CAVIN1: variants seen among roughly 807,000 people sequenced by gnomAD.
The protein encoded by CAVIN1 is caveolae-associated protein 1.
A neutral mutation model predicts 24.0 loss-of-function variants in CAVIN1; 16 were observed. The observed-to-expected ratio is 0.67, with a 90% CI of 0.45 to 1.01. The LOEUF is 1.01. Ranked by LOEUF, CAVIN1 falls within the 50% of genes least tolerant of loss-of-function variation. The pLI, the probability that CAVIN1 is intolerant of heterozygous loss-of-function variation, is 0.00. For missense variants in CAVIN1, 510 were observed against 551.7 expected (o/e 0.92, Z 0.76); for synonymous variants, 256 against 256.4 (o/e 1.00, Z 0.02).
At position 42,403,339 on chromosome 17, in the gene CAVIN1, C is replaced by T. The variant is rs1222622872; in HGVS notation, c.*1348G>A. On this transcript the variant is annotated 3_prime_UTR_variant, in exon 2 of 2. Coordinates refer to ENST00000357037, the MANE Select transcript of CAVIN1 (RefSeq NM_012232.6). ...TCTCAACTTGGTGGCAGGGCCGGCA[C>T]CCTGCTCTCCCTCCTAACTCCCAGC... 1 of 152,662 alleles carries T rather than the reference C, an allele frequency of 6.6e-6. No individual in the cohort carries two copies. Among genetic ancestry groups the T allele is most frequent in the Admixed American group, 6.6e-5 (1 of 15,246 alleles). 9.5% of individuals were successfully genotyped at this position (152,662 alleles called of 1,614,324 possible).
chr17:42,408,790 CTTT>C (rs67299164), intron 1 of CAVIN1, among the ~76,000 whole-genome samples: 7 of 120,824 alleles, frequency 5.8e-5, no homozygotes, highest in Admixed American at 2.6e-4. Flanking sequence ...CGTGCCCGGC[CTTT>C]TTTTTTTTTT....
At chr17:42,412,036 G>A (rs547902156) in intron 1 of CAVIN1, 10 of 985,296 alleles carry the variant, frequency 1.0e-5, no homozygotes, top group East Asian at 2.3e-4. Context: ...AACGGGATCC[G>A]GGAGACCCTA....
intron 1 of CAVIN1, among the ~76,000 whole-genome samples, chr17:42,410,871 C>T (rs11079044): frequency 0.82 from 101,645 of 124,476 alleles, 42,343 homozygotes; most frequent in East Asian, 0.97. Context: ...TCCAGCCTGG[C>T]GACGGAGTGA....
rs544815983 is a variant in CAVIN1, at chr17:42,422,906, G to T, written c.192C>A (p.Ala64=). 1.2e-6 allele frequency: 2 copies of T among 1,614,036 alleles called. No individual in the cohort carries two copies. ...VLSLLDKIIG[A]VDQIQLTQAQ... ...CTTGAGTCAGCTGGATCTGGTCTACGGCCCCGATGATTTTGTCCAGGAGGC... is the reference window on the plus strand; with the variant it reads ...CTTGAGTCAGCTGGATCTGGTCTACTGCCCCGATGATTTTGTCCAGGAGGC... The change falls in exon 1 of 2, where the codon GCC becomes GCA. Residue 64 remains alanine (A), a synonymous_variant. Coordinates refer to ENST00000357037, the MANE Select transcript of CAVIN1 (RefSeq NM_012232.6).
chr17:42,420,256 T>C (rs2085537331), intron 1 of CAVIN1, among the ~76,000 whole-genome samples: 1 of 152,240 alleles, frequency 6.6e-6, no homozygotes, highest in Non-Finnish European at 1.5e-5. Context: ...TTACCATAAA[T>C]GCTGCTGCCC....
chr17:42,404,783 G>A lies in CAVIN1; in HGVS notation c.1077C>T (p.Gly359=), dbSNP rs370263274. The A allele has an allele frequency of 6.3e-7, 1 of 1,593,830 alleles. No homozygotes were observed. Among genetic ancestry groups the A allele is most frequent in the Non-Finnish European group, 8.5e-7 (1 of 1,170,466 alleles). The change falls in exon 2 of 2, where the codon GGC becomes GGT. Residue 359 remains glycine, a synonymous_variant. Transcript: ENST00000357037. Reference sequence around the variant, plus strand: ...CGGGGCTGCTCCCGCGCCGCAGGTCGCCGGCCTCCCCGCGCTCCGCGCCGC... The same window carrying A: ...CGGGGCTGCTCCCGCGCCGCAGGTCACCGGCCTCCCCGCGCTCCGCGCCGC... The part of the protein sequence containing the change: ...DEGGAERGEA[G]DLRRGSSPDV...
intron 1 of CAVIN1, among the ~76,000 whole-genome samples, chr17:42,409,044 G>A (rs1255244566): frequency 4.7e-5 from 7 of 148,698 alleles, no homozygotes; most frequent in Admixed American, 2.7e-4. Flanking sequence ...CTCCCACCTC[G>A]GCCTCCCAAA....
intron 1 of CAVIN1, among the ~76,000 whole-genome samples, chr17:42,414,614 C>T (rs935956432): frequency 2.0e-5 from 3 of 152,134 alleles, no homozygotes; most frequent in African/African-American, 7.2e-5. Context: ...CCAACTCTCT[C>T]TCCTGAGGGG....
chr17:42,407,988 A>G (rs1271983883), intron 1 of CAVIN1, among the ~76,000 whole-genome samples: 2 of 151,944 alleles, frequency 1.3e-5, no homozygotes, highest in African/African-American at 4.8e-5. Context: ...CTCTTCATCC[A>G]TCTCCACCCA....
At chr17:42,411,207 A>AAAAAAAAAAAAACAAAC (rs758609413) in intron 1 of CAVIN1, among the ~76,000 whole-genome samples, 1 of 127,528 alleles carries the variant, frequency 7.8e-6, no homozygotes, top group Non-Finnish European at 1.7e-5. Flanking sequence ...AAAAAAAAAA[A>AAAAAAAAAAAAACAAAC]AACTAAAAGG....
At chr17:42,412,071 C>T (rs142338327) in intron 1 of CAVIN1, 3 of 985,374 alleles carry the variant, frequency 3.0e-6, no homozygotes, top group East Asian at 2.3e-4. Context: ...CTGTCAGCTC[C>T]TCTGGGGTGG....
Position 42,405,273 on chromosome 17 carries a change from G to T in CAVIN1, c.587C>A (p.Ala196Glu). The change falls in exon 2 of 2, where the codon GCA (alanine) becomes GAA (glutamate). Residue 196 changes from alanine to glutamate, a missense_variant. Ala to Glu is a moderately radical substitution (Grantham distance 107). Coordinates refer to ENST00000357037, the MANE Select transcript of CAVIN1 (RefSeq NM_012232.6). ...LGEGERPEED[A>E]AALELSSDEA... ...GTCCGACGAAAGCTCCAGCGCCGCT[G>T]CGTCCTCCTCGGGCCGCTCGCCCTC... The T allele has an allele frequency of 6.2e-7, 1 of 1,612,892 alleles. No individual in the cohort carries two copies.
At chr17:42,421,589 T>TGCGGAA (rs1488758837) in intron 1 of CAVIN1, among the ~76,000 whole-genome samples, 1 of 152,062 alleles carries the variant, frequency 6.6e-6, no homozygotes, top group East Asian at 1.9e-4. Context: ...CCGATGGCAC[T>TGCGGAA]GCGGAAGCGG....
chr17:42,420,352 G>A (rs529189355), intron 1 of CAVIN1, among the ~76,000 whole-genome samples: 1 of 152,336 alleles, frequency 6.6e-6, no homozygotes, highest in African/African-American at 2.4e-5. Flanking sequence ...GGGAGGAGCA[G>A]GAGCAGCCTC....
chr17:42,419,207 C>T (rs1306921632), intron 1 of CAVIN1, among the ~76,000 whole-genome samples: 1 of 151,996 alleles, frequency 6.6e-6, no homozygotes, highest in Non-Finnish European at 1.5e-5. Context: ...AAAAACAAAA[C>T]CAAAAAACCC....
chr17:42,404,375 G>GC lies in CAVIN1; in HGVS notation c.*311dup, dbSNP rs1028807902. On this transcript the variant is annotated 3_prime_UTR_variant, in exon 2 of 2. Coordinates refer to ENST00000357037, the MANE Select transcript of CAVIN1 (RefSeq NM_012232.6). ...GTGGGGAGAGGCTGAGGGGAAGGCA[G>GC]CCCCCCCAGGGGGGCCTAACCGTGG... is the stretch of plus-strand genomic sequence containing the variant. The GC allele has an allele frequency of 8.6e-5, 21 of 243,622 alleles. No individual in the cohort carries two copies. Among genetic ancestry groups the GC allele is most frequent in the African/African-American group, 3.0e-4 (13 of 43,820 alleles). 15.1% of individuals were successfully genotyped at this position (243,622 alleles called of 1,614,324 possible).
At chr17:42,411,210 C>CAAAAA (rs2085475933) in intron 1 of CAVIN1, among the ~76,000 whole-genome samples, 1 of 25,200 alleles carries the variant, frequency 4.0e-5, no homozygotes, top group Non-Finnish European at 1.2e-4. Flanking sequence ...AAAAAAAAAA[C>CAAAAA]TAAAAGGTCT....
intron 1 of CAVIN1, among the ~76,000 whole-genome samples, chr17:42,410,958 G>A (rs2085472632): frequency 7.2e-6 from 1 of 138,122 alleles, no homozygotes; most frequent in Non-Finnish European, 1.5e-5. Flanking sequence ...GGTGGCTCAT[G>A]CCTGTAATCC....
intron 1 of CAVIN1, among the ~76,000 whole-genome samples, chr17:42,413,635 A>G (rs2085495105): frequency 6.7e-6 from 1 of 149,876 alleles, no homozygotes; most frequent in Non-Finnish European, 1.5e-5. Context: ...GGGCAAACTC[A>G]AGCCCAAGAA....
Sources: allele counts gnomAD v4.1 joint callset (sites outside exome capture counted in the v4.1 genomes callset), GRCh38; gene constraint gnomAD v4.1.1; transcripts MANE v1.5; gene names NCBI Gene and HGNC (gene_info 2026-07-23, HGNC 2026-07-21).